The following COL22A1 variants were observed in gnomAD, a reference collection of about 807,000 sequenced individuals.
COL22A1 encodes the protein collagen type XXII alpha 1 chain, also known as collagen alpha-1(XXII) chain.
COL22A1 carries 221 observed loss-of-function variants against 248.9 expected under a neutral mutation model. That is an observed-to-expected ratio of 0.89 (90% confidence interval 0.80 to 0.99). COL22A1 has a LOEUF of 0.99. COL22A1 is among the 50% of genes least tolerant of loss of function. The pLI is 0.00. For missense variants in COL22A1, 2,240 were observed against 2,179.0 expected (o/e 1.03, Z -0.56); for synonymous variants, 891 against 793.4 (o/e 1.12, Z -2.07).
At chr8:138,623,883 C>G in intron 51 of COL22A1, 98 bp from the exon 52 acceptor site, 1 of 1,011,472 alleles carries the variant, frequency 9.9e-7, no homozygotes, top group Non-Finnish European at 1.5e-6. Context: ...CAGCTTCCAG[C>G]AGTTGCCTTC....
chr8:138,871,713 T>G (rs1823358409), intron 3 of COL22A1, among the ~76,000 whole-genome samples: 1 of 152,046 alleles, frequency 6.6e-6, no homozygotes, highest in Non-Finnish European at 1.5e-5. Flanking sequence ...CAATAATATG[T>G]GAAAAGAGTG....
At position 138,885,725 on chromosome 8, in the gene COL22A1, G is replaced by A. The variant is rs117171994; in HGVS notation, c.-72-2481C>T. Among the ~76,000 whole-genome samples the A allele has an allele frequency of 1.2e-4, 18 of 152,050 alleles. No homozygotes were observed. The East Asian group carries it at 2.3e-3, about 20-fold the overall frequency. The stretch of plus-strand genomic sequence containing the variant: ...ATTACAGGCATGCGCCACCACACCC[G>A]GCTAGTTTTGGTTTTTTAATAGAGA... On this transcript the variant is annotated intron_variant, in intron 1 of 64. Coordinates refer to ENST00000303045, the MANE Select transcript of COL22A1 (RefSeq NM_152888.3).
intron 47 of COL22A1, among the ~76,000 whole-genome samples, chr8:138,640,492 C>T (rs975353908): frequency 7.9e-5 from 12 of 152,078 alleles, no homozygotes; most frequent in Non-Finnish European, 5.9e-5. Flanking sequence ...CCACCAATAG[C>T]TGGTAAATTC....
intron 12 of COL22A1, among the ~76,000 whole-genome samples, chr8:138,792,800 G>T (rs1563769649): frequency 6.6e-6 from 1 of 152,152 alleles, no homozygotes; most frequent in Non-Finnish European, 1.5e-5. Flanking sequence ...CACTCCCCTT[G>T]TCTAAGCCTC....
At chr8:138,617,042 G>C in intron 53 of COL22A1, 84 bp from the exon 54 acceptor site, 1 of 1,415,668 alleles carries the variant, frequency 7.1e-7, no homozygotes, top group Non-Finnish European at 1.0e-6. Flanking sequence ...TGCCGGCTTT[G>C]ACCCACGTTG....
chr8:138,643,048 C>G (rs1587743214), intron 47 of COL22A1, among the ~76,000 whole-genome samples: 2 of 146,662 alleles, frequency 1.4e-5, no homozygotes, highest in African/African-American at 2.5e-5. Context: ...AAAAAAAAGG[C>G]AATTCCCCCT....
At chr8:138,676,441 G>GAAAC (rs1447749831) in intron 41 of COL22A1, 117 bp downstream of exon 41, 72 of 536,706 alleles carry the variant, frequency 1.3e-4, no homozygotes, top group Non-Finnish European at 2.3e-4. Flanking sequence ...AAGAAAGAAA[G>GAAAC]AAAGAAAGAA....
intron 3 of COL22A1, among the ~76,000 whole-genome samples, chr8:138,865,149 G>A (rs77814417): frequency 0.088 from 13,454 of 152,286 alleles, 707 homozygotes; most frequent in African/African-American, 0.14. Flanking sequence ...AGAGTAGACA[G>A]ACAGTCAAAA....
At chr8:138,627,397 T>A (rs1384086892) in intron 50 of COL22A1, among the ~76,000 whole-genome samples, 2 of 152,160 alleles carry the variant, frequency 1.3e-5, no homozygotes, top group Non-Finnish European at 2.9e-5. Context: ...CTATGGCTGA[T>A]TTTGCATTAA....
chr8:138,869,495 A>T (rs752439044), intron 3 of COL22A1, among the ~76,000 whole-genome samples: 1 of 152,172 alleles, frequency 6.6e-6, no homozygotes, highest in Non-Finnish European at 1.5e-5. Flanking sequence ...TTTTAGGCAG[A>T]GGCAGGAGTC....
intron 49 of COL22A1, among the ~76,000 whole-genome samples, chr8:138,633,137 G>T (rs1820865737): frequency 6.6e-6 from 1 of 152,218 alleles, no homozygotes; most frequent in Non-Finnish European, 1.5e-5. Flanking sequence ...ATGCATACAT[G>T]ACCAGAAAGG....
chr8:138,814,993 C>T (rs1403556398), intron 7 of COL22A1, among the ~76,000 whole-genome samples: 3 of 152,044 alleles, frequency 2.0e-5, no homozygotes, highest in Non-Finnish European at 4.4e-5. Flanking sequence ...TAATTGAATC[C>T]CCATACTGTT....
At chr8:138,888,134 C>T (rs559147529) in intron 1 of COL22A1, among the ~76,000 whole-genome samples, 3 of 152,264 alleles carry the variant, frequency 2.0e-5, no homozygotes, top group South Asian at 2.1e-4. Flanking sequence ...GAAATATTCA[C>T]GAGTTGCCCT....
At chr8:138,607,201 G>A (rs1252598542) in intron 57 of COL22A1, among the ~76,000 whole-genome samples, 1 of 152,172 alleles carries the variant, frequency 6.6e-6, no homozygotes, top group East Asian at 1.9e-4. Context: ...AGTATCCGAA[G>A]TACCAAGTCC....
intron 39 of COL22A1, among the ~76,000 whole-genome samples, chr8:138,682,965 C>T (rs190315999): frequency 1.3e-5 from 2 of 152,180 alleles, no homozygotes; most frequent in Non-Finnish European, 2.9e-5. Flanking sequence ...TCCCAAAGTG[C>T]TGGGATTACA....
At chr8:138,776,194 C>T (rs917407316) in intron 15 of COL22A1, among the ~76,000 whole-genome samples, 184 bp from the exon 16 acceptor site, 5 of 152,148 alleles carry the variant, frequency 3.3e-5, no homozygotes, top group African/African-American at 1.2e-4. Context: ...TCGTCTGGGC[C>T]TGGGCAGCAG....
intron 6 of COL22A1, among the ~76,000 whole-genome samples, chr8:138,824,738 A>G (rs910272299): frequency 1.8e-4 from 28 of 152,180 alleles, no homozygotes; most frequent in African/African-American, 6.3e-4. Flanking sequence ...CTCACAGTTC[A>G]TCTTCTTTAT....
chr8:138,874,821 C>T (rs1324690274), intron 3 of COL22A1, among the ~76,000 whole-genome samples: 1 of 152,182 alleles, frequency 6.6e-6, no homozygotes, highest in African/African-American at 2.4e-5. Flanking sequence ...TTTCTTGCTC[C>T]TCTTTGCCTG....
intron 14 of COL22A1, 105 bp from the exon 15 acceptor site, chr8:138,778,511 T>C (rs985539154): frequency 1.9e-4 from 184 of 979,158 alleles, no homozygotes; most frequent in Non-Finnish European, 2.6e-4. Context: ...AGCTGCTAGC[T>C]CACCTCTCAC....
Sources: gnomAD v4.1 joint callset for allele counts (sites outside exome capture counted in the v4.1 genomes callset) on GRCh38, gnomAD v4.1.1 for gene constraint, MANE v1.5 for transcripts, NCBI Gene and HGNC (gene_info 2026-07-23, HGNC 2026-07-21) for gene names.